Variants in NEK1 observed in about 807,000 individuals in gnomAD.
NEK1 encodes NIMA related kinase 1.
In NEK1, 137 loss-of-function variants were observed where a neutral mutation model predicts 182.1. The observed-to-expected ratio is 0.75, with a 90% CI of 0.65 to 0.87. The LOEUF (loss-of-function observed/expected upper bound fraction) is 0.87, where lower values mean the gene tolerates loss of function less well. Among genes scored for constraint, NEK1 ranks in the 40% least tolerant of loss-of-function variants. The pLI, the probability that NEK1 is intolerant of heterozygous loss-of-function variation, is 0.00. For missense variants in NEK1, 1,391 were observed against 1,494.4 expected, an observed-to-expected ratio of 0.93 and a Z score of 1.14; for synonymous variants, 513 against 492.2, an observed-to-expected ratio of 1.04 and a Z score of -0.56.
At chr4:169,468,822 C>T (rs1261423749) in intron 26 of NEK1, among the ~76,000 whole-genome samples, 1 of 151,956 alleles carries the variant, frequency 6.6e-6, no homozygotes, top group African/African-American at 2.4e-5. Context: ...TTCAGGGATT[C>T]GACTTCTTCC....
intron 32 of NEK1, among the ~76,000 whole-genome samples, chr4:169,402,286 C>A (rs1040132746): frequency 6.6e-6 from 1 of 152,136 alleles, no homozygotes; most frequent in East Asian, 1.9e-4. Context: ...TTCAAAATAT[C>A]CATGTGGCTA....
chr4:169,460,396 G>C (rs562269626), intron 27 of NEK1, among the ~76,000 whole-genome samples: 3 of 151,456 alleles, frequency 2.0e-5, no homozygotes, highest in African/African-American at 7.3e-5. Flanking sequence ...ATCAGATCTC[G>C]TGAGATCCAT....
intron 12 of NEK1, among the ~76,000 whole-genome samples, chr4:169,569,989 C>T (rs1364358853): frequency 6.6e-6 from 1 of 150,702 alleles, no homozygotes; most frequent in South Asian, 2.1e-4. Context: ...TGCCTGGCTG[C>T]CCAGTCTGGA....
rs142808732 is a variant in NEK1, at chr4:169,490,824, A to G, written c.2008-11290T>C. Reference sequence around the variant, plus strand: ...AATTATGGAACACCATGAAAGGAACAAATGTCACAGTATGAGCTCTAGAAA... The same window carrying G: ...AATTATGGAACACCATGAAAGGAACGAATGTCACAGTATGAGCTCTAGAAA... On this transcript the variant is annotated intron_variant, in intron 23 of 35. Coordinates refer to ENST00000507142, the MANE Select transcript of NEK1 (RefSeq NM_001199397.3). Among the ~76,000 whole-genome samples the G allele has an allele frequency of 4.8e-3, 733 of 152,176 alleles. 7 individuals carry two copies. The highest frequency in any genetic ancestry group is 0.017 in the African/African-American group (695 of 41,512).
At chr4:169,602,188 A>G (rs1305808789) in intron 3 of NEK1, 84 bp from the exon 4 acceptor site, 2 of 919,390 alleles carry the variant, frequency 2.2e-6, no homozygotes, top group Non-Finnish European at 3.6e-6. Context: ...TGGTTAAAAC[A>G]TAATAGTATT....
intron 29 of NEK1, among the ~76,000 whole-genome samples, chr4:169,427,621 A>C (rs1736629744): frequency 6.6e-6 from 1 of 151,612 alleles, no homozygotes; most frequent in South Asian, 2.1e-4. Flanking sequence ...TAGCCTCCCA[A>C]GTAGGTAGGG....
rs760703646 is a variant in NEK1 at position 169,406,673 on chromosome 4, A to T, written c.3297T>A (p.Asp1099Glu). 2.5e-6 allele frequency: 4 copies of T among 1,610,278 alleles called. No individual in the cohort carries two copies. The East Asian group carries it at 6.7e-5, about 27-fold the overall frequency. Residue 1099 changes from aspartate to glutamate, a missense_variant, in exon 32 of 36, where the codon GAT becomes GAA. By Grantham distance (45) the Asp-to-Glu change is conservative. Around this residue, in one of 5 missense-constraint regions of NEK1, gnomAD observed 1,216 missense variants for 1,277.6 expected, o/e 0.95. Coordinates refer to ENST00000507142, the MANE Select transcript of NEK1 (RefSeq NM_001199397.3). ...CTATTTCAAGATTGTCTTGACGAAC[A>T]TCTCCTACGGTGGGAACATCCATAA... ...RTLMDVPTVG[D>E]VRQDNLEIDE...
intron 10 of NEK1, 122 bp downstream of exon 10, chr4:169,585,227 T>C (rs1353153151): frequency 1.1e-5 from 7 of 637,646 alleles, no homozygotes; most frequent in Non-Finnish European, 1.9e-5. Context: ...GTGACACTAA[T>C]GTAGTTTGAA....
rs1762123827 is a variant in NEK1 at position 169,556,074 on chromosome 4, C to G, written c.1288G>C (p.Gly430Arg). Residue 430 changes from glycine (G) to arginine (R), a missense_variant, in exon 17 of 36, where the codon GGG becomes CGG. Physicochemically the swap from Gly to Arg is moderately radical, Grantham distance 125. Transcript: ENST00000507142. ...GAAAAAGATGATGGAGCTATAGTCCCTCCACTGCCCAGAAAAGGAGCCTAG... is the reference window on the plus strand; with the variant it reads ...GAAAAAGATGATGGAGCTATAGTCCGTCCACTGCCCAGAAAAGGAGCCTAG... The part of the protein sequence containing the change: ...EVKAPFLGSG[G>R]TIAPSSFSSR... The G allele has an allele frequency of 2.5e-6, 4 of 1,612,808 alleles. No homozygotes were observed. The highest frequency in any genetic ancestry group is 2.2e-5 in the East Asian group (1 of 44,852).
chr4:169,529,091 A>G (rs1210589263), intron 19 of NEK1, among the ~76,000 whole-genome samples: 1 of 152,218 alleles, frequency 6.6e-6, no homozygotes, highest in East Asian at 1.9e-4. Context: ...AAAACACAAC[A>G]TAGAAAATTT....
At chr4:169,584,207 G>T (rs1378252423) in intron 10 of NEK1, among the ~76,000 whole-genome samples, 1 of 151,512 alleles carries the variant, frequency 6.6e-6, no homozygotes, top group Non-Finnish European at 1.5e-5. Context: ...ACCTACATGT[G>T]TGCACTAAAG....
At chr4:169,538,307 C>G (rs1169391820) in intron 18 of NEK1, among the ~76,000 whole-genome samples, 1 of 151,952 alleles carries the variant, frequency 6.6e-6, no homozygotes, top group Non-Finnish European at 1.5e-5. Context: ...AAAAGCAGTA[C>G]AGCAGCAATT....
At chr4:169,400,986 A>G (rs554327884) in intron 33 of NEK1, among the ~76,000 whole-genome samples, 1 of 152,186 alleles carries the variant, frequency 6.6e-6, no homozygotes, top group African/African-American at 2.4e-5. Flanking sequence ...CCTAACTAGT[A>G]TTTTCAAAAG....
At chr4:169,581,883 T>A (rs895513958) in intron 10 of NEK1, among the ~76,000 whole-genome samples, 8 of 152,182 alleles carry the variant, frequency 5.3e-5, no homozygotes, top group Admixed American at 5.2e-4. Context: ...AAATTATAAC[T>A]AATTTTATTA....
At chr4:169,553,283 G>C (rs1015300208) in intron 18 of NEK1, among the ~76,000 whole-genome samples, 1 of 152,166 alleles carries the variant, frequency 6.6e-6, no homozygotes, top group African/African-American at 2.4e-5. Flanking sequence ...CTTTTCAAGA[G>C]ATGTGGAACA....
At chr4:169,591,082 T>C (rs1208073281) in intron 5 of NEK1, among the ~76,000 whole-genome samples, 1 of 152,072 alleles carries the variant, frequency 6.6e-6, no homozygotes, top group Non-Finnish European at 1.5e-5. Flanking sequence ...TAATTTATAT[T>C]TTATAATATT....
Position 169,574,611 on chromosome 4 carries a change from GAAAAAAAAAAAA to G in NEK1, c.1020+2305_1020+2316del, listed in dbSNP as rs1235699069. On this transcript the variant is annotated intron_variant, in intron 12 of 35. Coordinates refer to ENST00000507142, the MANE Select transcript of NEK1 (RefSeq NM_001199397.3). ...GACAGAGGGAGACTCCACCTCAAAA[GAAAAAAAAAAAA>G]AAAAAAGACAAGTGTCTACAGATGA... Among the ~76,000 whole-genome samples the G allele has an allele frequency of 3.2e-4, 22 of 69,142 alleles. No homozygotes were observed. The East Asian group carries it at 0.011, about 34-fold the overall frequency. 45.4% of individuals were successfully genotyped at this position (69,142 alleles called of 152,430 possible).
chr4:169,595,553 C>A (rs75492186), intron 5 of NEK1, among the ~76,000 whole-genome samples: 10,847 of 152,106 alleles, frequency 0.071, 1,266 homozygotes, highest in African/African-American at 0.25. Flanking sequence ...AATTGTGCAA[C>A]CAAGGCCATA....
intron 23 of NEK1, among the ~76,000 whole-genome samples, chr4:169,505,338 GC>G (rs1404454865): frequency 1.3e-5 from 2 of 151,070 alleles, no homozygotes; most frequent in African/African-American, 4.9e-5. Context: ...TCCTTCCTCA[GC>G]CTACTCCACC....
Sources: gnomAD v4.1 joint callset for allele counts (sites outside exome capture counted in the v4.1 genomes callset) on GRCh38, gnomAD v4.1.1 for gene constraint, gnomAD v4.1.1 regional missense constraint, MANE v1.5 for transcripts, NCBI Gene and HGNC (gene_info 2026-07-23, HGNC 2026-07-21) for gene names.